Variants in STK3 observed in about 807,000 individuals in gnomAD.
The protein encoded by STK3 is serine/threonine-protein kinase 3.
In STK3, 41 loss-of-function variants were observed where a neutral mutation model predicts 58.0. The ratio of observed to expected loss-of-function variants is 0.71; its 90% confidence interval spans 0.55 to 0.92. The LOEUF (loss-of-function observed/expected upper bound fraction) is 0.92, where lower values mean the gene tolerates loss of function less well. STK3 is among the 40% of genes least tolerant of loss of function. The probability of loss-of-function intolerance (pLI) is 0.00; values close to 1 mark genes in which losing one functional copy is unlikely to be tolerated. For synonymous variants in STK3, 170 were observed against 191.0 expected (o/e 0.89, Z 0.91); for missense variants, 479 against 602.7 (o/e 0.79, Z 2.15).
intron 4 of STK3, among the ~76,000 whole-genome samples, chr8:98,737,701 T>C (rs1457653159): frequency 2.6e-5 from 4 of 152,090 alleles, no homozygotes; most frequent in Non-Finnish European, 2.9e-5. Context: ...TTAAAACGTA[T>C]ATAATTTTCT....
chr8:98,887,104 G>GA (rs929080650), intron 1 of STK3, among the ~76,000 whole-genome samples: 2 of 151,534 alleles, frequency 1.3e-5, no homozygotes, highest in African/African-American at 4.9e-5. Context: ...CTCAAAAAAA[G>GA]AAAAAAAGAA....
At chr8:98,701,133 G>A (rs1296563585) in intron 6 of STK3, among the ~76,000 whole-genome samples, 1 of 143,070 alleles carries the variant, frequency 7.0e-6, no homozygotes, top group African/African-American at 2.5e-5. Flanking sequence ...TTGTGCCACT[G>A]CACTCCTTCC....
At chr8:98,597,683 G>A (rs1353042571) in intron 6 of STK3, 6 of 985,200 alleles carry the variant, frequency 6.1e-6, no homozygotes, top group Admixed American at 6.2e-5. Flanking sequence ...TTCCTTTTGC[G>A]TGAGCTCTAT....
chr8:98,811,611 A>G (rs1400725564), intron 1 of STK3, among the ~76,000 whole-genome samples: 1 of 151,050 alleles, frequency 6.6e-6, no homozygotes, highest in Non-Finnish European at 1.5e-5. Context: ...AAAAAAAAAA[A>G]TACATCTTTA....
chr8:98,670,517 T>C lies in STK3; in HGVS notation c.684+35950A>G, dbSNP rs142984646. Among the ~76,000 whole-genome samples, 1,285 of 152,256 alleles carry C rather than the reference T, an allele frequency of 8.4e-3. 10 individuals are homozygous for C. Among genetic ancestry groups the C allele is most frequent in the African/African-American group, 0.029 (1,208 of 41,530 alleles). ...TAAATATTAAGTCAATCAACACTGATAGAGGCAGGAAGCAGAAAAATCCTA... is the reference window on the plus strand; with the variant it reads ...TAAATATTAAGTCAATCAACACTGACAGAGGCAGGAAGCAGAAAAATCCTA... On this transcript the variant is annotated intron_variant, in intron 6 of 10. Transcript: ENST00000419617.
intron 8 of STK3, among the ~76,000 whole-genome samples, chr8:98,563,345 T>A (rs889740291): frequency 2.6e-5 from 4 of 151,924 alleles, no homozygotes; most frequent in Non-Finnish European, 5.9e-5. Flanking sequence ...TGGATTAGAG[T>A]CAGACACAAC....
chr8:98,781,850 G>GA (rs1405704597), intron 1 of STK3, among the ~76,000 whole-genome samples: 1 of 151,824 alleles, frequency 6.6e-6, no homozygotes, highest in Non-Finnish European at 1.5e-5. Flanking sequence ...CTCATAAAGA[G>GA]AAAAATTAGC....
At chr8:98,782,203 C>T (rs1056862671) in intron 1 of STK3, 1 of 191,312 alleles carries the variant, frequency 5.2e-6, no homozygotes, top group Non-Finnish European at 1.1e-5. Context: ...CATAAGCCTG[C>T]GACTGTCCGT....
At chr8:98,647,859 T>C (rs993143629) in intron 6 of STK3, among the ~76,000 whole-genome samples, 1 of 152,216 alleles carries the variant, frequency 6.6e-6, no homozygotes, top group African/African-American at 2.4e-5. Flanking sequence ...TAACCCTTAA[T>C]AAATTGTGGC....
chr8:98,737,994 G>T (rs1828764436), intron 4 of STK3, among the ~76,000 whole-genome samples: 1 of 152,174 alleles, frequency 6.6e-6, no homozygotes, highest in African/African-American at 2.4e-5. Flanking sequence ...ACAGGCGTGA[G>T]CCACCGCACC....
chr8:98,444,022 T>C (rs953026820), intron 1 of STK3, among the ~76,000 whole-genome samples: 4 of 152,234 alleles, frequency 2.6e-5, no homozygotes, highest in African/African-American at 9.6e-5. Flanking sequence ...CACCCATCAT[T>C]TGACAAACGT....
chr8:98,347,924 T>G, the STK3 span, among the ~76,000 whole-genome samples: 3 of 152,164 alleles, frequency 2.0e-5, no homozygotes, highest in African/African-American at 7.2e-5. Context: ...TTCTAAAGTT[T>G]ATATGGAGAG....
intron 7 of STK3, among the ~76,000 whole-genome samples, chr8:98,587,354 T>C (rs1360611953): frequency 6.6e-6 from 1 of 152,094 alleles, no homozygotes; most frequent in Admixed American, 6.5e-5. Context: ...TTTCGTTATG[T>C]ACCCAGTAGT....
intron 1 of STK3, among the ~76,000 whole-genome samples, chr8:98,793,370 CTACAAAAAA>C (rs1328482327): frequency 6.6e-6 from 1 of 152,000 alleles, no homozygotes; most frequent in African/African-American, 2.4e-5. Context: ...AACCCCATCT[CTACAAAAAA>C]TACAAAAAAT....
At chr8:98,899,673 A>G (rs1441273579) in intron 1 of STK3, among the ~76,000 whole-genome samples, 2 of 152,030 alleles carry the variant, frequency 1.3e-5, no homozygotes, top group Admixed American at 6.6e-5. Context: ...GTGCTGGGGG[A>G]TAACTGTACT....
intron 8 of STK3, 52 bp downstream of exon 8, chr8:98,579,612 C>T (rs1468692300): frequency 3.2e-6 from 5 of 1,578,008 alleles, no homozygotes; most frequent in South Asian, 2.3e-5. Flanking sequence ...AACAGAATTA[C>T]AGACAAATAA....
At chr8:98,546,246 C>T (rs1810689117) in intron 9 of STK3, among the ~76,000 whole-genome samples, 1 of 152,074 alleles carries the variant, frequency 6.6e-6, no homozygotes, top group Non-Finnish European at 1.5e-5. Context: ...GATGTCAAAT[C>T]TAAAAGTCAC....
At chr8:98,630,345 A>G (rs1487664270) in intron 6 of STK3, among the ~76,000 whole-genome samples, 1 of 152,212 alleles carries the variant, frequency 6.6e-6, no homozygotes, top group Non-Finnish European at 1.5e-5. Flanking sequence ...GTGAAGTATT[A>G]AGAATCAGTA....
At chr8:98,499,294 T>C (rs1823390772) in intron 10 of STK3, among the ~76,000 whole-genome samples, 1 of 152,200 alleles carries the variant, frequency 6.6e-6, no homozygotes, top group South Asian at 2.1e-4. Flanking sequence ...GGATTTCTGG[T>C]CCACATAACT....
Sources: gnomAD v4.1 joint callset for allele counts (sites outside exome capture counted in the v4.1 genomes callset) on GRCh38, gnomAD v4.1.1 for gene constraint, MANE v1.5 for transcripts, NCBI Gene and HGNC (gene_info 2026-07-23, HGNC 2026-07-21) for gene names.